Variants in AANAT observed in about 807,000 individuals in gnomAD.
AANAT encodes aralkylamine N-acetyltransferase, also known as serotonin N-acetyltransferase.
A neutral mutation model predicts 15.6 loss-of-function variants in AANAT; 11 were observed. That is an observed-to-expected ratio of 0.71 (90% CI 0.44 to 1.17). AANAT has a LOEUF of 1.17. AANAT is among the 50% of genes most tolerant of loss of function. The pLI is 0.00. For missense variants in AANAT, 286 were observed against 296.3 expected (o/e 0.97, Z 0.26); for synonymous variants, 139 against 131.5 (o/e 1.06, Z -0.39).
chr17:76,460,396 C>A (rs973901474), intron 2 of AANAT, among the ~76,000 whole-genome samples: 1 of 152,020 alleles, frequency 6.6e-6, no homozygotes, highest in African/African-American at 2.4e-5. Context: ...AGGTGATCCA[C>A]CTGCCTCGGC....
At chr17:76,466,633 G>C (rs2073440662), upstream of AANAT, among the ~76,000 whole-genome samples, 1 of 152,214 alleles carries the variant, frequency 6.6e-6, no homozygotes, top group Non-Finnish European at 1.5e-5. Flanking sequence ...GGCTGACCCG[G>C]CTTTGCCCCT....
intron 1 of AANAT, 127 bp from the exon 2 acceptor site, chr17:76,468,545 A>C: frequency 4.0e-6 from 3 of 756,640 alleles, no homozygotes; most frequent in Non-Finnish European, 6.2e-6. Context: ...TACCTGGGGA[A>C]TGTGCCCATT....
Position 76,469,840 on chromosome 17 carries a change from T to C in AANAT, c.494T>C (p.Val165Ala), listed in dbSNP as rs796358784. 3 of 1,604,706 alleles carry C rather than the reference T, an allele frequency of 1.9e-6. No homozygotes were observed. Among genetic ancestry groups the C allele is most frequent in the South Asian group, 1.1e-5 (1 of 89,510 alleles). Residue 165 changes from valine to alanine, a missense_variant, in exon 4 of 4, where the codon GTA becomes GCA. Transcript: ENST00000392492. The surrounding 1 kb of genome is among the most constrained non-coding windows in gnomAD (Gnocchi z 5.2). Reference sequence around the variant, plus strand: ...GCGCTCATGTGCGAGGACGCGCTGGTACCCTTCTATGAGAGGTTCAGCTTC... The same window carrying C: ...GCGCTCATGTGCGAGGACGCGCTGGCACCCTTCTATGAGAGGTTCAGCTTC... ...RAALMCEDAL[V>A]PFYERFSFHA...
upstream of AANAT, among the ~76,000 whole-genome samples, chr17:76,465,113 G>C (rs1296982178): frequency 6.6e-6 from 1 of 151,926 alleles, no homozygotes; most frequent in East Asian, 1.9e-4. Flanking sequence ...ATCAGGTTAG[G>C]TGTTTATCAG....
chr17:76,458,988 G>A (rs962911826), intron 1 of AANAT, among the ~76,000 whole-genome samples: 1 of 152,192 alleles, frequency 6.6e-6, no homozygotes, highest in Non-Finnish European at 1.5e-5. Flanking sequence ...GAGTTAAAAC[G>A]GCCCTTCTCA....
intron 1 of AANAT, among the ~76,000 whole-genome samples, chr17:76,455,767 A>C (rs1223560399): frequency 6.6e-6 from 1 of 152,196 alleles, no homozygotes; most frequent in Admixed American, 6.5e-5. Flanking sequence ...TAATCCCAGC[A>C]CTTTGGGAGG....
chr17:76,463,001 C>T (rs910709589), upstream of AANAT, among the ~76,000 whole-genome samples: 6 of 152,218 alleles, frequency 3.9e-5, no homozygotes, highest in Non-Finnish European at 7.3e-5. Context: ...GCAGCTGACA[C>T]ACGGAGGGGA....
At chr17:76,460,729 G>A (rs1401970134) in intron 2 of AANAT, among the ~76,000 whole-genome samples, 1 of 152,148 alleles carries the variant, frequency 6.6e-6, no homozygotes, top group Non-Finnish European at 1.5e-5. Flanking sequence ...TCCAGGAGGT[G>A]GCAATCCCTC....
chr17:76,467,789 C>A, intron 1 of AANAT, 62 bp downstream of exon 1: 1 of 936,126 alleles, frequency 1.1e-6, no homozygotes, highest in Non-Finnish European at 1.3e-6. Flanking sequence ...CTACTTGGAG[C>A]TTCTAGACAT....
chr17:76,468,948 C>G, intron 2 of AANAT, 39 bp downstream of exon 2: 1 of 1,590,326 alleles, frequency 6.3e-7, no homozygotes, highest in South Asian at 1.1e-5. Flanking sequence ...ATGCTCCACT[C>G]TGGTCCAGTT....
chr17:76,467,554 G>A, upstream of AANAT: 2 of 985,536 alleles, frequency 2.0e-6, no homozygotes, highest in Non-Finnish European at 2.4e-6. Flanking sequence ...AGCTCGAGAG[G>A]TGGGGTGGGG....
intron 1 of AANAT, among the ~76,000 whole-genome samples, chr17:76,467,940 T>C (rs1490026112): frequency 6.6e-6 from 1 of 152,130 alleles, no homozygotes; most frequent in Non-Finnish European, 1.5e-5. Flanking sequence ...GAGCTGGATG[T>C]GTGGGGCAGG....
Position 76,468,912 on chromosome 17 carries a change from G to A in AANAT, c.163+3G>A, listed in dbSNP as rs1310413101. 33 of 1,612,398 alleles carry A rather than the reference G, an allele frequency of 2.0e-5. No homozygotes were observed. The highest frequency in any genetic ancestry group is 2.7e-5 in the Non-Finnish European group (32 of 1,179,552). On this transcript the variant is annotated splice_donor_region_variant and intron_variant, in intron 2 of 3. Coordinates refer to ENST00000392492, the MANE Select transcript of AANAT (RefSeq NM_001088.3). ...CGCCTTTGAGATCGAGCGTGAAGGT[G>A]AGTGGCCCCGCACAGGGTCAGAGGG...
At chr17:76,466,450 G>T (rs73996399), upstream of AANAT, among the ~76,000 whole-genome samples, 2,949 of 152,282 alleles carry the variant, frequency 0.019, 50 homozygotes, top group African/African-American at 0.042. Flanking sequence ...ACGGTCAGGG[G>T]CTGTGTCCCA....
intron 2 of AANAT, among the ~76,000 whole-genome samples, chr17:76,460,991 C>A (rs917405144): frequency 1.3e-5 from 2 of 151,836 alleles, no homozygotes; most frequent in Admixed American, 1.3e-4. Context: ...ATGGTGAAAC[C>A]CCGTCTCTAC....
At chr17:76,466,363 G>A (rs74936905), upstream of AANAT, 1 of 381,406 alleles carries the variant, frequency 2.6e-6, no homozygotes, top group African/African-American at 2.2e-5. Context: ...GTGCAGAGGG[G>A]CCCTGGGAGA....
upstream of AANAT, among the ~76,000 whole-genome samples, chr17:76,465,710 G>T (rs1419986974): frequency 6.6e-6 from 1 of 151,916 alleles, no homozygotes; most frequent in Non-Finnish European, 1.5e-5. Context: ...TCTCATTGGT[G>T]GTGGTATGTG....
chr17:76,469,058 C>T lies in AANAT; in HGVS notation c.164-115C>T. ...CAAGAAAGTGGGGGAAACAGCAGCC[C>T]TAACCCCCATTTTCCTGTGGGGAAC... On this transcript the variant is annotated intron_variant, in intron 2 of 3. Transcript: ENST00000392492. The surrounding 1 kb of genome is among the most constrained non-coding windows in gnomAD (Gnocchi z 5.2). 1 of 1,520,628 alleles carries T rather than the reference C, an allele frequency of 6.6e-7. No individual in the cohort carries two copies. The highest frequency in any genetic ancestry group is 1.4e-5 in the African/African-American group (1 of 73,316). 94.2% of individuals were successfully genotyped at this position (1,520,628 alleles called of 1,614,324 possible). A position where few individuals can be genotyped will look rare whatever the true frequency, so the allele number is the denominator to read the frequency against.
At chr17:76,466,342 T>A, upstream of AANAT, 1 of 612,810 alleles carries the variant, frequency 1.6e-6, no homozygotes, top group Non-Finnish European at 2.3e-6. Flanking sequence ...AGCAGGCAGG[T>A]GGGCCTCAGA....
Sources: gnomAD v4.1 joint callset for allele counts (sites outside exome capture counted in the v4.1 genomes callset) on GRCh38, gnomAD v4.1.1 for gene constraint, Gnocchi (gnomAD v3.1) non-coding constraint, MANE v1.5 for transcripts, NCBI Gene and HGNC (gene_info 2026-07-23, HGNC 2026-07-21) for gene names.